The following PTPRD variants were observed in gnomAD, a reference collection of about 807,000 sequenced individuals.
PTPRD encodes protein tyrosine phosphatase receptor type D.
In PTPRD, 34 loss-of-function variants were observed where a neutral mutation model predicts 214.5. That is an observed-to-expected ratio of 0.16 (90% confidence interval 0.12 to 0.21). The LOEUF is 0.21. Ranked by LOEUF, PTPRD falls within the 10% of genes least tolerant of loss-of-function variation. The pLI, the probability that PTPRD is intolerant of heterozygous loss-of-function variation, is 1.00. For missense variants in PTPRD, 2,545 were observed against 2,398.7 expected (o/e 1.06, Z -1.27); for synonymous variants, 1,128 against 845.7 (o/e 1.33, Z -5.79).
At chr9:9,193,945 C>G (rs1593287800) in intron 9 of PTPRD, among the ~76,000 whole-genome samples, 3 of 152,018 alleles carry the variant, frequency 2.0e-5, no homozygotes, top group Admixed American at 2.0e-4. Context: ...AATTTTTTGG[C>G]TCTTCTGTAA....
At chr9:10,280,386 ACACATG>A (rs1386196899) in intron 3 of PTPRD, among the ~76,000 whole-genome samples, 2 of 150,212 alleles carry the variant, frequency 1.3e-5, no homozygotes. Flanking sequence ...ACACACACAC[ACACATG>A]TGAGACATAT....
At chr9:8,320,019 CACATTTGCTTGGGTGTGG>C in intron 44 of PTPRD, 53 bp from the exon 45 acceptor site, 1 of 1,591,918 alleles carries the variant, frequency 6.3e-7, no homozygotes, top group Non-Finnish European at 8.5e-7. Flanking sequence ...CAGTCTTGGC[CACATTTGCTTGGGTGTGG>C]ACATACTTCT....
At chr9:10,499,820 G>T (rs1204843152) in intron 2 of PTPRD, among the ~76,000 whole-genome samples, 1 of 151,744 alleles carries the variant, frequency 6.6e-6, no homozygotes, top group Non-Finnish European at 1.5e-5. Context: ...TTATTGTCAT[G>T]TGCCAAAGAG....
At chr9:9,738,050 A>C (rs1261716543) in intron 6 of PTPRD, among the ~76,000 whole-genome samples, 2 of 152,058 alleles carry the variant, frequency 1.3e-5, no homozygotes, top group Non-Finnish European at 2.9e-5. Flanking sequence ...GGAATTGAAC[A>C]ACGAGAACAC....
At chr9:8,782,596 CTTTTTTTT>C in intron 11 of PTPRD, among the ~76,000 whole-genome samples, 1 of 117,350 alleles carries the variant, frequency 8.5e-6, no homozygotes, top group South Asian at 2.8e-4. Context: ...ATACTTAACG[CTTTTTTTT>C]TTTTTTTTTT....
chr9:8,922,206 A>G lies in PTPRD; in HGVS notation c.-104+96491T>C, dbSNP rs141858232. Among the ~76,000 whole-genome samples the G allele has an allele frequency of 3.1e-4, 47 of 152,108 alleles. No homozygotes were observed. The East Asian group carries it at 7.4e-3, about 24-fold the overall frequency. On this transcript the variant is annotated intron_variant, in intron 11 of 45. Transcript: ENST00000381196. ...TTTCTTGACTTTGTTTTTTTTCTCT[A>G]TTAAGTCCAGTGTTAATATATATTT...
chr9:8,336,855 T>G (rs1847385228), intron 43 of PTPRD, among the ~76,000 whole-genome samples: 1 of 151,744 alleles, frequency 6.6e-6, no homozygotes, highest in African/African-American at 2.4e-5. Context: ...GAAAAAATGC[T>G]ATCACTGGTC....
intron 9 of PTPRD, among the ~76,000 whole-genome samples, chr9:9,197,841 C>A (rs2099939530): frequency 6.6e-6 from 1 of 152,140 alleles, no homozygotes; most frequent in African/African-American, 2.4e-5. Context: ...TGTATTTCTA[C>A]TTTTTATCTT....
intron 8 of PTPRD, among the ~76,000 whole-genome samples, chr9:9,502,095 G>A (rs760448325): frequency 6.6e-6 from 1 of 151,660 alleles, no homozygotes; most frequent in Admixed American, 6.6e-5. Context: ...TAAAGGTTCC[G>A]CTTGCTCTCA....
chr9:9,239,494 G>A (rs544669108), intron 9 of PTPRD, among the ~76,000 whole-genome samples: 4 of 152,064 alleles, frequency 2.6e-5, no homozygotes, highest in Admixed American at 2.0e-4. Flanking sequence ...TTAGTCATGA[G>A]AGCAAGAAAA....
Position 9,968,539 on chromosome 9 carries a change from G to A in PTPRD, c.-471-29929C>T, listed in dbSNP as rs545343582. Among the ~76,000 whole-genome samples, 30 of 152,288 alleles carry A rather than the reference G, an allele frequency of 2.0e-4. No homozygotes were observed. The South Asian group carries it at 3.5e-3, about 18-fold the overall frequency. On this transcript the variant is annotated intron_variant, in intron 4 of 45. Coordinates refer to ENST00000381196, the MANE Select transcript of PTPRD (RefSeq NM_002839.4). ...AATAATCTTGACATAGTGGTCCAGA[G>A]AATGCTGTACTTTGGGAGAGAAGCA...
chr9:10,332,457 A>G (rs942573118), intron 3 of PTPRD, among the ~76,000 whole-genome samples: 2 of 151,788 alleles, frequency 1.3e-5, no homozygotes, highest in Non-Finnish European at 1.5e-5. Context: ...CATACAACTG[A>G]GGTTCAGATT....
chr9:8,659,410 C>T (rs1475692032), intron 12 of PTPRD, among the ~76,000 whole-genome samples: 1 of 152,170 alleles, frequency 6.6e-6, no homozygotes, highest in Non-Finnish European at 1.5e-5. Context: ...ATCAAGAGTC[C>T]TCCAGATTCC....
intron 11 of PTPRD, among the ~76,000 whole-genome samples, chr9:8,883,877 T>C (rs542561135): frequency 5.3e-5 from 8 of 152,284 alleles, no homozygotes; most frequent in African/African-American, 1.9e-4. Flanking sequence ...GCAAAATATC[T>C]GGGGATATAC....
chr9:8,451,901 T>C (rs771655970), intron 33 of PTPRD: 1 of 500,744 alleles, frequency 2.0e-6, no homozygotes, highest in South Asian at 1.5e-5. Flanking sequence ...CTCTTACAGG[T>C]ATTGTAGGGT....
chr9:9,470,236 C>G (rs546809977), intron 8 of PTPRD, among the ~76,000 whole-genome samples: 13 of 152,064 alleles, frequency 8.5e-5, no homozygotes, highest in Admixed American at 6.6e-5. Context: ...AGGATTTTCT[C>G]TCTTTATATT....
chr9:9,123,986 T>C lies in PTPRD; in HGVS notation c.-143+59318A>G, dbSNP rs536419846. 2.0e-5 allele frequency among the ~76,000 whole-genome samples: 3 copies of C among 151,448 alleles called. No individual in the cohort carries two copies. The South Asian group carries it at 6.2e-4, about 32-fold the overall frequency. On this transcript the variant is annotated intron_variant, in intron 10 of 45. Transcript: ENST00000381196. Reference sequence around the variant, plus strand: ...ACCAGTGGGCAGCTATTGGTTTATGTAGGCATATTGTCTAAAAGGTGGGGT... The same window carrying C: ...ACCAGTGGGCAGCTATTGGTTTATGCAGGCATATTGTCTAAAAGGTGGGGT...
At chr9:10,109,629 T>C (rs2098671640) in intron 3 of PTPRD, among the ~76,000 whole-genome samples, 1 of 152,192 alleles carries the variant, frequency 6.6e-6, no homozygotes, top group African/African-American at 2.4e-5. Context: ...TATGTTCATC[T>C]TCTTTGACCC....
chr9:9,143,624 C>A (rs972615472), intron 10 of PTPRD, among the ~76,000 whole-genome samples: 14 of 152,286 alleles, frequency 9.2e-5, no homozygotes, highest in African/African-American at 3.4e-4. Context: ...CAATATGGGT[C>A]TCTTCAAATA....
Sources: allele counts gnomAD v4.1 joint callset (sites outside exome capture counted in the v4.1 genomes callset), GRCh38; gene constraint gnomAD v4.1.1; transcripts MANE v1.5; gene names NCBI Gene and HGNC (gene_info 2026-07-23, HGNC 2026-07-21).